TNIK: variants seen among roughly 807,000 people sequenced by gnomAD.
TNIK encodes the protein TRAF2 and NCK interacting kinase, also known as TRAF2 and NCK-interacting protein kinase.
Under a neutral mutation model 191.3 loss-of-function variants are expected in TNIK, and 49 were observed. The ratio of observed to expected loss-of-function variants is 0.26; its 90% CI spans 0.20 to 0.32. The LOEUF (loss-of-function observed/expected upper bound fraction) is 0.32. Ranked by LOEUF, TNIK falls within the 10% of genes least tolerant of loss-of-function variation. The pLI is 1.00. For missense variants in TNIK, 1,155 were observed against 1,702.3 expected, an observed-to-expected ratio of 0.68 and a Z score of 5.66; for synonymous variants, 594 against 600.9, an observed-to-expected ratio of 0.99 and a Z score of 0.17.
At chr3:171,088,727 G>T (rs1412758388) in intron 23 of TNIK, among the ~76,000 whole-genome samples, 1 of 152,224 alleles carries the variant, frequency 6.6e-6, no homozygotes, top group Non-Finnish European at 1.5e-5. Flanking sequence ...AAGATTAAAA[G>T]ACAACTCTGG....
At chr3:171,395,351 G>T (rs1720082867) in intron 1 of TNIK, among the ~76,000 whole-genome samples, 1 of 152,164 alleles carries the variant, frequency 6.6e-6, no homozygotes, top group African/African-American at 2.4e-5. Context: ...ACCTCATAGG[G>T]TCATTATAGG....
chr3:171,252,483 A>G (rs1746357700), intron 2 of TNIK, among the ~76,000 whole-genome samples: 1 of 152,344 alleles, frequency 6.6e-6, no homozygotes, highest in African/African-American at 2.4e-5. Context: ...AGTGTCATAA[A>G]TTTCCATTTT....
At chr3:171,326,124 A>C (rs1377668270) in intron 2 of TNIK, among the ~76,000 whole-genome samples, 2 of 152,160 alleles carry the variant, frequency 1.3e-5, no homozygotes, top group Non-Finnish European at 2.9e-5. Context: ...CAAGCCCCTA[A>C]AAATTACCCC....
chr3:171,320,480 G>T (rs1423002990), intron 2 of TNIK, among the ~76,000 whole-genome samples: 1 of 152,112 alleles, frequency 6.6e-6, no homozygotes, highest in Non-Finnish European at 1.5e-5. Flanking sequence ...ATGTAATTGT[G>T]TTTTATGACA....
intron 6 of TNIK, 56 bp downstream of exon 6, chr3:171,190,641 T>A (rs1737940127): frequency 7.4e-7 from 1 of 1,345,604 alleles, no homozygotes. Context: ...TTTAGAGCTG[T>A]TAATATAATC....
chr3:171,273,938 A>G lies in TNIK; in HGVS notation c.124-45717T>C, dbSNP rs755651816. On this transcript the variant is annotated intron_variant, in intron 2 of 32. Transcript: ENST00000436636. ...AGAAGCCTGAAACAACAATGAAGAC[A>G]TAAGTTTTCCTAAGAGATTAAGCAC... Among the ~76,000 whole-genome samples, 4 of 152,346 alleles carry G rather than the reference A, an allele frequency of 2.6e-5. No individual in the cohort carries two copies. In the East Asian group the frequency reaches 5.8e-4, roughly 22 times the overall value.
chr3:171,412,986 G>C (rs1307314706), intron 1 of TNIK, among the ~76,000 whole-genome samples: 1 of 152,160 alleles, frequency 6.6e-6, no homozygotes, highest in East Asian at 1.9e-4. Flanking sequence ...CTGCCAAGCA[G>C]GCAAACTATA....
At chr3:171,288,862 G>T (rs1288952673) in intron 2 of TNIK, among the ~76,000 whole-genome samples, 1 of 150,958 alleles carries the variant, frequency 6.6e-6, no homozygotes, top group African/African-American at 2.4e-5. Flanking sequence ...ACAATATTTG[G>T]CAGTGTTTCT....
chr3:171,172,328 T>G (rs1393959186), intron 9 of TNIK, among the ~76,000 whole-genome samples: 1 of 152,164 alleles, frequency 6.6e-6, no homozygotes, highest in East Asian at 1.9e-4. Context: ...CGGTAACTCA[T>G]TTAGGTAGAG....
At chr3:171,210,851 G>GAAAAAAAAA (rs11324657) in intron 4 of TNIK, among the ~76,000 whole-genome samples, 1 of 131,428 alleles carries the variant, frequency 7.6e-6, no homozygotes, top group African/African-American at 2.8e-5. Flanking sequence ...GTCAATTAGT[G>GAAAAAAAAA]AAAAAAAAAA....
chr3:171,180,302 G>C (rs746683742), intron 7 of TNIK, among the ~76,000 whole-genome samples: 25 of 152,032 alleles, frequency 1.6e-4, no homozygotes, highest in Non-Finnish European at 5.9e-5. Context: ...TGTTCTCAAC[G>C]AGGACCCCTG....
intron 22 of TNIK, among the ~76,000 whole-genome samples, chr3:171,097,337 G>C (rs55931049): frequency 0.034 from 5,237 of 152,252 alleles, 313 homozygotes; most frequent in African/African-American, 0.12. Flanking sequence ...TTCTAGTTGA[G>C]AAAGTTGTTT....
intron 2 of TNIK, among the ~76,000 whole-genome samples, chr3:171,287,970 A>G (rs13064772): frequency 0.17 from 25,661 of 150,156 alleles, 2,586 homozygotes; most frequent in Middle Eastern, 0.19. Context: ...CATATACGCC[A>G]TGGAATACTA....
At chr3:171,408,255 G>T (rs6809219) in intron 1 of TNIK, among the ~76,000 whole-genome samples, 7,755 of 152,088 alleles carry the variant, frequency 0.051, 665 homozygotes, top group African/African-American at 0.18. Context: ...CCACATTAGG[G>T]CTTTTTTTTC....
intron 6 of TNIK, 135 bp from the exon 7 acceptor site, chr3:171,188,967 A>C: frequency 9.0e-7 from 1 of 1,113,214 alleles, no homozygotes; most frequent in Non-Finnish European, 1.3e-6. Context: ...TCAAATGTAC[A>C]TTTCTGGGGC....
At chr3:171,216,863 G>A (rs1021442018) in intron 3 of TNIK, among the ~76,000 whole-genome samples, 7 of 152,046 alleles carry the variant, frequency 4.6e-5, no homozygotes, top group African/African-American at 1.7e-4. Context: ...ACATCAAATA[G>A]TTTTAAGGAA....
At chr3:171,310,150 A>T (rs187541070) in intron 2 of TNIK, among the ~76,000 whole-genome samples, 115 of 152,264 alleles carry the variant, frequency 7.6e-4, no homozygotes, top group South Asian at 3.3e-3. Context: ...ATGATAAAAG[A>T]CACATGCTAC....
At chr3:171,340,014 C>T (rs1465934783) in intron 2 of TNIK, among the ~76,000 whole-genome samples, 1 of 151,850 alleles carries the variant, frequency 6.6e-6, no homozygotes, top group Non-Finnish European at 1.5e-5. Context: ...GATATAACAG[C>T]AAGAAATTGG....
At chr3:171,104,454 T>G (rs1443923859) in intron 21 of TNIK, among the ~76,000 whole-genome samples, 1 of 147,172 alleles carries the variant, frequency 6.8e-6, no homozygotes, top group African/African-American at 2.4e-5. Context: ...AGCATGAAAA[T>G]ATTTGAGAAT....
Sources: gnomAD v4.1 joint callset for allele counts (sites outside exome capture counted in the v4.1 genomes callset) on GRCh38, gnomAD v4.1.1 for gene constraint, MANE v1.5 for transcripts, NCBI Gene and HGNC (gene_info 2026-07-23, HGNC 2026-07-21) for gene names.